The following RAD51 variants were observed in gnomAD, a reference collection of about 807,000 sequenced individuals.
RAD51 encodes DNA repair protein RAD51 homolog 1.
Under a neutral mutation model 41.5 loss-of-function variants are expected in RAD51, and 14 were observed. The observed-to-expected ratio is 0.34, with a 90% CI of 0.22 to 0.53. RAD51 has a LOEUF of 0.53. RAD51 is among the 20% of genes least tolerant of loss of function. The pLI, the probability that RAD51 is intolerant of heterozygous loss-of-function variation, is 0.95. For missense variants in RAD51, 234 were observed against 422.0 expected, an observed-to-expected ratio of 0.55 and a Z score of 3.90; for synonymous variants, 136 against 148.6, an observed-to-expected ratio of 0.92 and a Z score of 0.62.
chr15:40,730,946 CCTT>C, intron 9 of RAD51, 106 bp from the exon 10 acceptor site: 1 of 1,389,108 alleles, frequency 7.2e-7, no homozygotes, highest in Non-Finnish European at 1.0e-6. Context: ...TTCCCAGGGT[CCTT>C]CTAGGAAGAA....
chr15:40,709,260 C>T, intron 5 of RAD51, 144 bp downstream of exon 5: 1 of 705,132 alleles, frequency 1.4e-6, no homozygotes, highest in Non-Finnish European at 2.5e-6. Flanking sequence ...AGATAGACTC[C>T]TACTTCAAAA....
At chr15:40,706,552 G>A (rs1895352380) in intron 4 of RAD51, among the ~76,000 whole-genome samples, 1 of 152,158 alleles carries the variant, frequency 6.6e-6, no homozygotes, top group Admixed American at 6.5e-5. Flanking sequence ...AGTTGGGCAT[G>A]GTGGCACATG....
chr15:40,718,930 T>C, intron 6 of RAD51, 31 bp downstream of exon 6: 1 of 1,545,414 alleles, frequency 6.5e-7, no homozygotes, highest in Non-Finnish European at 8.9e-7. Flanking sequence ...AGAGAGACTA[T>C]GGCTACACTT....
At chr15:40,731,017 A>T (rs1021338557) in intron 9 of RAD51, 38 bp from the exon 10 acceptor site, 13 of 1,613,500 alleles carry the variant, frequency 8.1e-6, no homozygotes, top group Non-Finnish European at 1.1e-5. Flanking sequence ...TTGTTTAATT[A>T]TAATAAATTG....
Position 40,732,323 on chromosome 15 carries a change from T to G in RAD51, c.*1145T>G, listed in dbSNP as rs1048006563. 1 of 163,404 alleles carries G rather than the reference T, an allele frequency of 6.1e-6. No homozygotes were observed. The allele number at this position is 163,404 out of a possible 1,614,324, so 10.1% of individuals were successfully genotyped here. A position where few individuals can be genotyped will look rare whatever the true frequency, so the allele number is the denominator to read the frequency against. ...TTGTGCTTAAAAGCTAATGGAAAAA[T>G]AAAAGAAAGACATACCATGGGTTGC... is the stretch of plus-strand genomic sequence containing the variant. On this transcript the variant is annotated 3_prime_UTR_variant, in exon 10 of 10. Transcript: ENST00000267868.
At chr15:40,696,742 T>G (rs972459578) in intron 1 of RAD51, among the ~76,000 whole-genome samples, 14 of 152,226 alleles carry the variant, frequency 9.2e-5, no homozygotes, top group African/African-American at 3.4e-4. Flanking sequence ...GTTGAGTGTT[T>G]CGTTGTTTCA....
intron 5 of RAD51, among the ~76,000 whole-genome samples, chr15:40,715,672 C>T (rs1895952812): frequency 6.6e-6 from 1 of 152,180 alleles, no homozygotes; most frequent in African/African-American, 2.4e-5. Context: ...GCATGCAATC[C>T]ATCCCCATGA....
chr15:40,701,715 G>A, intron 3 of RAD51: 1 of 221,630 alleles, frequency 4.5e-6, no homozygotes, highest in South Asian at 4.6e-5. Flanking sequence ...TTTCTTCAGT[G>A]TTTATATAGT....
At chr15:40,718,933 C>T (rs1214506641) in intron 6 of RAD51, 34 bp downstream of exon 6, 3 of 1,529,198 alleles carry the variant, frequency 2.0e-6, no homozygotes, top group Non-Finnish European at 2.7e-6. Context: ...GAGACTATGG[C>T]TACACTTATC....
intron 6 of RAD51, among the ~76,000 whole-genome samples, chr15:40,719,872 TTTATAA>T (rs1251341569): frequency 6.6e-6 from 1 of 151,858 alleles, no homozygotes; most frequent in Non-Finnish European, 1.5e-5. Flanking sequence ...AGAGGAACAT[TTTATAA>T]TTAAAAGGTC....
At chr15:40,703,556 G>C (rs1895135512) in intron 3 of RAD51, among the ~76,000 whole-genome samples, 1 of 152,036 alleles carries the variant, frequency 6.6e-6, no homozygotes, top group Non-Finnish European at 1.5e-5. Context: ...AGTTTTGGTA[G>C]TTTATCTTTC....
chr15:40,711,832 T>G (rs182700522), intron 5 of RAD51, among the ~76,000 whole-genome samples: 3 of 152,172 alleles, frequency 2.0e-5, no homozygotes, highest in African/African-American at 7.2e-5. Flanking sequence ...CCCAGCACTT[T>G]GGGAGGCCAC....
At chr15:40,696,031 C>A (rs573541548) in intron 1 of RAD51, among the ~76,000 whole-genome samples, 3 of 152,164 alleles carry the variant, frequency 2.0e-5, no homozygotes, top group South Asian at 4.2e-4. Flanking sequence ...CCCACCACCA[C>A]GCCGCCAGGC....
At chr15:40,726,912 C>CAAA (rs529781901) in intron 6 of RAD51, among the ~76,000 whole-genome samples, 9 of 120,594 alleles carry the variant, frequency 7.5e-5, no homozygotes, top group Admixed American at 8.4e-5. Flanking sequence ...GACTCCGTCT[C>CAAA]AAAAAAAAAA....
intron 5 of RAD51, among the ~76,000 whole-genome samples, chr15:40,713,994 C>T (rs868094982): frequency 5.0e-4 from 58 of 114,896 alleles, no homozygotes; most frequent in Admixed American, 1.2e-3. Flanking sequence ...GAAATAAATT[C>T]TTTTTTTTTT....
intron 1 of RAD51, 39 bp from the exon 2 acceptor site, chr15:40,698,718 T>C: frequency 6.4e-7 from 1 of 1,566,726 alleles, no homozygotes; most frequent in East Asian, 2.2e-5. Flanking sequence ...GCACCTTATT[T>C]CTCTAGTGTT....
intron 9 of RAD51, among the ~76,000 whole-genome samples, chr15:40,730,520 C>CTT (rs778467789): frequency 1.7e-4 from 19 of 113,092 alleles, no homozygotes; most frequent in South Asian, 3.3e-4. Context: ...AATTTTTTTT[C>CTT]TTTTTTTTTT....
intron 5 of RAD51, among the ~76,000 whole-genome samples, chr15:40,714,031 GTTGCACCGGCTGTTC>G (rs1895861999): frequency 9.0e-6 from 1 of 111,718 alleles, no homozygotes; most frequent in African/African-American, 3.4e-5. Context: ...GTCTCACTAT[GTTGCACCGGCTGTTC>G]TTGAACTCCT....
chr15:40,721,196 TCTC>T (rs1363497810), intron 6 of RAD51, among the ~76,000 whole-genome samples: 2 of 151,982 alleles, frequency 1.3e-5, no homozygotes, highest in African/African-American at 2.4e-5. Flanking sequence ...AAAAGGCAGT[TCTC>T]CTCAGATTTT....
Sources: allele counts gnomAD v4.1 joint callset (sites outside exome capture counted in the v4.1 genomes callset), GRCh38; gene constraint gnomAD v4.1.1; transcripts MANE v1.5; gene names NCBI Gene and HGNC (gene_info 2026-07-23, HGNC 2026-07-21).